Variants in ANKRD36 observed in about 807,000 individuals in gnomAD.
The protein encoded by ANKRD36 is ankyrin repeat domain-containing protein 36A.
ANKRD36 carries 179 observed loss-of-function variants against 278.1 expected under a neutral mutation model. That is an observed-to-expected ratio of 0.64 (90% CI 0.57 to 0.73). The LOEUF (loss-of-function observed/expected upper bound fraction) is 0.73, where lower values mean the gene tolerates loss of function less well. ANKRD36 is among the 30% of genes least tolerant of loss of function. The pLI, the probability that ANKRD36 is intolerant of heterozygous loss-of-function variation, is 0.00. For missense variants in ANKRD36, 1,159 were observed against 1,956.7 expected, an observed-to-expected ratio of 0.59 and a Z score of 7.69; for synonymous variants, 320 against 641.1, an observed-to-expected ratio of 0.50 and a Z score of 7.57.
intron 46 of ANKRD36, 59 bp from the exon 47 acceptor site, chr2:97,202,143 G>T: frequency 6.2e-7 from 1 of 1,603,100 alleles, no homozygotes; most frequent in Non-Finnish European, 8.5e-7. Flanking sequence ...GTGCTCGAAT[G>T]TATGGAAATC....
At chr2:97,170,331 A>AGCATG (rs1331533194) in intron 22 of ANKRD36, among the ~76,000 whole-genome samples, 1 of 152,078 alleles carries the variant, frequency 6.6e-6, no homozygotes, top group Non-Finnish European at 1.5e-5. Context: ...TAACCAAAAC[A>AGCATG]GCATGGTACT....
chr2:97,167,067 A>G (rs2050943183), intron 20 of ANKRD36, among the ~76,000 whole-genome samples: 1 of 150,534 alleles, frequency 6.6e-6, no homozygotes, highest in African/African-American at 2.4e-5. Flanking sequence ...AGTGTAATGT[A>G]TACTTTTTTG....
Position 97,244,008 on chromosome 2 carries a change from A to G in ANKRD36, c.4470A>G (p.Thr1490=), listed in dbSNP as rs758603852. 4 of 1,591,376 alleles carry G rather than the reference A, an allele frequency of 2.5e-6. No homozygotes were observed. The highest frequency in any genetic ancestry group is 3.4e-6 in the Non-Finnish European group (4 of 1,170,812). Reference sequence around the variant, plus strand: ...AATCAGCAGAGGTGGAATTGAAGACAGGAGGAAATAATTCAAATCAGGTAA... The same window carrying G: ...AATCAGCAGAGGTGGAATTGAAGACGGGAGGAAATAATTCAAATCAGGTAA... ...ALKSAEVELK[T]GGNNSNQVSE... The change falls in exon 70 of 76, where the codon ACA becomes ACG. Residue 1490 remains threonine (T), a synonymous_variant. Transcript: ENST00000420699.
chr2:97,213,082 A>T (rs1024066389), intron 58 of ANKRD36: 1 of 446,752 alleles, frequency 2.2e-6, no homozygotes, highest in African/African-American at 2.0e-5. Context: ...CTGCTTTGAC[A>T]TTGATTCTCA....
At chr2:97,200,597 CG>C in intron 46 of ANKRD36, 72 bp downstream of exon 46, 1 of 1,530,862 alleles carries the variant, frequency 6.5e-7, no homozygotes. Context: ...ATAAATCAGT[CG>C]GGGGCTGGTT....
intron 4 of ANKRD36, 91 bp from the exon 5 acceptor site, chr2:97,124,369 C>A: frequency 1.4e-6 from 2 of 1,449,994 alleles, no homozygotes; most frequent in East Asian, 2.5e-5. Flanking sequence ...GTTAATTCTA[C>A]ATGGACAGGC....
chr2:97,188,043 T>C (rs2057800998), intron 32 of ANKRD36, among the ~76,000 whole-genome samples: 1 of 151,702 alleles, frequency 6.6e-6, no homozygotes, highest in Non-Finnish European at 1.5e-5. Context: ...AGAATTGGGA[T>C]AAAGCACACT....
intron 67 of ANKRD36, among the ~76,000 whole-genome samples, chr2:97,230,154 G>T (rs750653592): frequency 3.7e-4 from 56 of 152,178 alleles, no homozygotes; most frequent in Non-Finnish European, 7.2e-4. Context: ...TTGTGGCGTT[G>T]TCTGTATTTC....
intron 67 of ANKRD36, among the ~76,000 whole-genome samples, chr2:97,226,399 G>GT (rs1166575433): frequency 1.3e-5 from 2 of 151,418 alleles, no homozygotes; most frequent in Non-Finnish European, 2.9e-5. Context: ...TTTTTCATGT[G>GT]TTTTTTGGCT....
At chr2:97,180,709 A>G (rs2055928573) in intron 24 of ANKRD36, among the ~76,000 whole-genome samples, 1 of 151,690 alleles carries the variant, frequency 6.6e-6, no homozygotes, top group Admixed American at 6.6e-5. Context: ...CTCTTGGATA[A>G]AATAGGTATT....
At chr2:97,260,379 T>TATATATATATATATATATAC (rs1315601255) in intron 75 of ANKRD36, among the ~76,000 whole-genome samples, 6 of 121,238 alleles carry the variant, frequency 4.9e-5, no homozygotes, top group East Asian at 3.6e-4. Context: ...TATATATATA[T>TATATATATATATATATATAC]ACACACATAT....
intron 67 of ANKRD36, among the ~76,000 whole-genome samples, chr2:97,225,691 T>C (rs1408058126): frequency 6.6e-6 from 1 of 152,032 alleles, no homozygotes; most frequent in African/African-American, 2.4e-5. Flanking sequence ...TAGTTACATA[T>C]GTATACACGT....
At chr2:97,200,111 A>T (rs1330024483) in intron 44 of ANKRD36, among the ~76,000 whole-genome samples, 6 of 151,976 alleles carry the variant, frequency 3.9e-5, no homozygotes, top group African/African-American at 1.2e-4. Flanking sequence ...CACATGACAA[A>T]TCTTACCATG....
intron 46 of ANKRD36, among the ~76,000 whole-genome samples, chr2:97,200,994 G>T (rs865956904): frequency 1.3e-5 from 2 of 151,868 alleles, no homozygotes; most frequent in Admixed American, 6.6e-5. Context: ...TGTGAGGCAG[G>T]AAGGTGGGAA....
chr2:97,130,212 A>G (rs1460200880), intron 6 of ANKRD36, among the ~76,000 whole-genome samples: 1 of 151,924 alleles, frequency 6.6e-6, no homozygotes, highest in Non-Finnish European at 1.5e-5. Flanking sequence ...TCCAACACTG[A>G]TAGACTGGAT....
chr2:97,184,044 A>G (rs1402468637), intron 28 of ANKRD36, among the ~76,000 whole-genome samples: 2 of 151,692 alleles, frequency 1.3e-5, no homozygotes, highest in African/African-American at 4.8e-5. Context: ...AGTTGTCATA[A>G]TAACCCGTAG....
chr2:97,135,577 T>C (rs1421550390), intron 6 of ANKRD36, among the ~76,000 whole-genome samples: 2 of 150,538 alleles, frequency 1.3e-5, no homozygotes, highest in Non-Finnish European at 3.0e-5. Context: ...TAGGCTACTA[T>C]TGACCTTCTA....
chr2:97,231,254 A>G (rs1310994445), intron 67 of ANKRD36, among the ~76,000 whole-genome samples: 2 of 152,162 alleles, frequency 1.3e-5, no homozygotes, highest in South Asian at 2.1e-4. Context: ...GGTGGAGCCT[A>G]CAGAGGCAGG....
At chr2:97,233,580 A>G in intron 67 of ANKRD36, 150 bp from the exon 68 acceptor site, 1 of 1,374,480 alleles carries the variant, frequency 7.3e-7, no homozygotes, top group Non-Finnish European at 9.8e-7. Context: ...AACTAGAGTC[A>G]ACATAAAGGA....
Sources: gnomAD v4.1 joint callset for allele counts (sites outside exome capture counted in the v4.1 genomes callset) on GRCh38, gnomAD v4.1.1 for gene constraint, MANE v1.5 for transcripts, NCBI Gene and HGNC (gene_info 2026-07-23, HGNC 2026-07-21) for gene names.